The following GAL3ST1 variants were observed in gnomAD, a reference collection of about 807,000 sequenced individuals.
GAL3ST1 encodes the protein galactosylceramide sulfotransferase.
In GAL3ST1, 13 loss-of-function variants were observed where a neutral mutation model predicts 25.0. That is an observed-to-expected ratio of 0.52 (90% CI 0.34 to 0.83). The LOEUF (loss-of-function observed/expected upper bound fraction) is 0.83. Among genes scored for constraint, GAL3ST1 ranks in the 40% least tolerant of loss-of-function variants. The pLI is 0.02. For synonymous variants in GAL3ST1, 274 were observed against 277.8 expected (o/e 0.99, Z 0.14); for missense variants, 474 against 613.6 (o/e 0.77, Z 2.40).
At chr22:30,561,797 C>T (rs1004106688) in intron 1 of GAL3ST1, among the ~76,000 whole-genome samples, 1 of 152,134 alleles carries the variant, frequency 6.6e-6, no homozygotes, top group South Asian at 2.1e-4. Context: ...CCGTCCCTCC[C>T]GTGCCAGCCA....
rs567885680 is a variant in GAL3ST1 at position 30,574,285 on chromosome 22, C to T, written c.-120+181G>A. ...AACCTGTGCCCTCCCTGGCCCCTAC[C>T]AGGCCACCCTCTGGCAGTGGGCAGG... is the stretch of plus-strand genomic sequence containing the variant. On this transcript the variant is annotated intron_variant, in intron 1 of 3. Transcript: ENST00000406361. Among the ~76,000 whole-genome samples the T allele has an allele frequency of 1.4e-4, 21 of 152,264 alleles. No homozygotes were observed. The East Asian group carries it at 4.1e-3, about 30-fold the overall frequency.
rs762748373 is a variant in GAL3ST1, at chr22:30,555,946, G to A, written c.279C>T (p.Asn93=). The change falls in exon 4 of 4, where the codon AAC becomes AAT. Residue 93 remains asparagine, a synonymous_variant. Coordinates refer to ENST00000406361, the MANE Select transcript of GAL3ST1 (RefSeq NM_001318104.2). This position sits in a 1 kb window ranked among gnomAD's most constrained non-coding sequence, Gnocchi z 8.6. ...GCTTCTGGCCGAAGCGGAACAGGAT[G>A]TTGAGCAGGGTGCTGCTGGCCGTCT... is the stretch of plus-strand genomic sequence containing the variant. ...THKTASSTLL[N]ILFRFGQKHR... is the part of the protein sequence containing the mutation. The A allele has an allele frequency of 1.9e-5, 31 of 1,614,010 alleles. No individual in the cohort carries two copies. Among genetic ancestry groups the A allele is most frequent in the East Asian group, 4.5e-5 (2 of 44,896 alleles).
At position 30,555,968 on chromosome 22, in the gene GAL3ST1, G is replaced by C. The variant is rs903324570; in HGVS notation, c.257C>G (p.Thr86Arg). ...RNIVFLKTHK[T>R]ASSTLLNILF... ...GATGTTGAGCAGGGTGCTGCTGGCC[G>C]TCTTGTGCGTCTTCAAGAACACGAT... is the stretch of plus-strand genomic sequence containing the variant. The change falls in exon 4 of 4, where the codon ACG becomes AGG. Residue 86 changes from threonine (T) to arginine (R), a missense_variant. By Grantham distance (71) the Thr-to-Arg change is moderately conservative (BLOSUM62 -1). Transcript: ENST00000406361. This position sits in a 1 kb window ranked among gnomAD's most constrained non-coding sequence, Gnocchi z 8.6. 1.9e-6 allele frequency: 3 copies of C among 1,613,832 alleles called. No homozygotes were observed. The highest frequency in any genetic ancestry group is 2.5e-6 in the Non-Finnish European group (3 of 1,180,000).
chr22:30,559,722 C>T (rs1293688636), intron 1 of GAL3ST1, among the ~76,000 whole-genome samples: 5 of 152,134 alleles, frequency 3.3e-5, no homozygotes, highest in Non-Finnish European at 7.4e-5. Flanking sequence ...GCGTGGCAAC[C>T]CTATCAGCAG....
At position 30,571,590 on chromosome 22, in the gene GAL3ST1, G is replaced by A. The variant is rs181107887; in HGVS notation, c.-120+2876C>T. On this transcript the variant is annotated intron_variant, in intron 1 of 3. Transcript: ENST00000406361. ...TTTCAAAGGGCATCCACGGCCGGGCGCAGTGGCTCACGCCTGTAATCCCAG... is the reference window on the plus strand; with the variant it reads ...TTTCAAAGGGCATCCACGGCCGGGCACAGTGGCTCACGCCTGTAATCCCAG... Among the ~76,000 whole-genome samples the A allele has an allele frequency of 5.4e-3, 815 of 152,226 alleles. 8 individuals are homozygous for A. The highest frequency in any genetic ancestry group is 0.016 in the African/African-American group (672 of 41,532).
At chr22:30,569,192 G>A (rs1336599829) in intron 1 of GAL3ST1, among the ~76,000 whole-genome samples, 3 of 152,228 alleles carry the variant, frequency 2.0e-5, no homozygotes, top group African/African-American at 7.2e-5. Context: ...TTCAGCAGAG[G>A]AGGGAGCAGA....
At chr22:30,571,293 G>A (rs1209248988) in intron 1 of GAL3ST1, among the ~76,000 whole-genome samples, 1 of 152,194 alleles carries the variant, frequency 6.6e-6, no homozygotes, top group Non-Finnish European at 1.5e-5. Context: ...TGACTTGCAA[G>A]CACCTAGAAG....
intron 1 of GAL3ST1, among the ~76,000 whole-genome samples, chr22:30,565,625 T>G (rs1301756091): frequency 6.6e-6 from 1 of 152,154 alleles, no homozygotes. Flanking sequence ...CCTGCCTCTA[T>G]CCCTGGGTGA....
chr22:30,567,981 C>A (rs997725505), intron 1 of GAL3ST1, among the ~76,000 whole-genome samples: 1 of 152,174 alleles, frequency 6.6e-6, no homozygotes, highest in African/African-American at 2.4e-5. Context: ...CCGCGCCCAG[C>A]CCGTGATAGT....
At chr22:30,571,490 C>A (rs1363999807) in intron 1 of GAL3ST1, among the ~76,000 whole-genome samples, 1 of 152,168 alleles carries the variant, frequency 6.6e-6, no homozygotes, top group Non-Finnish European at 1.5e-5. Flanking sequence ...GCTGGCCCAG[C>A]AGTTGAGAGA....
chr22:30,569,477 G>A (rs570172259), intron 1 of GAL3ST1, among the ~76,000 whole-genome samples: 2 of 152,246 alleles, frequency 1.3e-5, no homozygotes, highest in South Asian at 4.1e-4. Context: ...AAAGGGCCAG[G>A]TTGAATGCTG....
chr22:30,571,514 T>C lies in GAL3ST1; in HGVS notation c.-120+2952A>G, dbSNP rs140309013. Among the ~76,000 whole-genome samples, 188 of 152,270 alleles carry C rather than the reference T, an allele frequency of 1.2e-3. 1 individual carries two copies. The highest frequency in any genetic ancestry group is 2.4e-3 in the Admixed American group (36 of 15,284). Reference sequence around the variant, plus strand: ...GCAGTTGAGAGAGGGTAATGTTCTTTGATGATTCAGAAAGCACTTTTTGAA... The same window carrying C: ...GCAGTTGAGAGAGGGTAATGTTCTTCGATGATTCAGAAAGCACTTTTTGAA... On this transcript the variant is annotated intron_variant, in intron 1 of 3. Coordinates refer to ENST00000406361, the MANE Select transcript of GAL3ST1 (RefSeq NM_001318104.2).
chr22:30,556,124 CA>C (rs993722492), intron 3 of GAL3ST1, 31 bp from the exon 4 acceptor site: 2 of 1,565,920 alleles, frequency 1.3e-6, no homozygotes, highest in Non-Finnish European at 1.7e-6. Context: ...GGGAGAGCCT[CA>C]GGGGGGTGCT....
In GAL3ST1 at chr22:30,555,691, C is replaced by A. The variant is rs1452887016; in HGVS notation, c.534G>T (p.Gly178=). 6 of 1,613,742 alleles carry A rather than the reference C, an allele frequency of 3.7e-6. No individual in the cohort carries two copies. Among genetic ancestry groups the A allele is most frequent in the Non-Finnish European group, 5.1e-6 (6 of 1,180,054 alleles). ...GCTTCCACGTGAGGGGCACCACCGG[C>A]CCGAAGTAGTGGAAGGAGGACTCGA... ...RLFESSFHYF[G]PVVPLTWKLS... Residue 178 remains glycine, a synonymous_variant, in exon 4 of 4, where the codon GGG becomes GGT. Coordinates refer to ENST00000406361, the MANE Select transcript of GAL3ST1 (RefSeq NM_001318104.2). This position sits in a 1 kb window ranked among gnomAD's most constrained non-coding sequence, Gnocchi z 8.6.
intron 1 of GAL3ST1, among the ~76,000 whole-genome samples, chr22:30,569,013 T>G (rs2086704646): frequency 6.7e-6 from 1 of 150,362 alleles, no homozygotes; most frequent in Non-Finnish European, 1.5e-5. Flanking sequence ...GAGGCAGAGT[T>G]TGCAGTGAGC....
Position 30,554,962 on chromosome 22 carries a change from C to T in GAL3ST1, c.1263G>A (p.Leu421=), listed in dbSNP as rs1255305302. 6.4e-7 allele frequency: 1 copy of T among 1,573,676 alleles called. No individual in the cohort carries two copies. The highest frequency in any genetic ancestry group is 8.7e-7 in the Non-Finnish European group (1 of 1,154,482). Residue 421 remains leucine, a synonymous_variant, in exon 4 of 4, where the codon CTG becomes CTA. Transcript: ENST00000406361. Reference sequence around the variant, plus strand: ...GCTGGGCGGTGGGACGTCACCACCGCAGGAAATCGCGAATGAACTTCCAGA... The same window carrying T: ...GCTGGGCGGTGGGACGTCACCACCGTAGGAAATCGCGAATGAACTTCCAGA... ...TKLWKFIRDF[L]RW
At chr22:30,569,566 A>C (rs187928914) in intron 1 of GAL3ST1, among the ~76,000 whole-genome samples, 45 of 151,792 alleles carry the variant, frequency 3.0e-4, no homozygotes, top group Admixed American at 2.6e-3. Context: ...GAATGCCTGA[A>C]GAGCAGTAGG....
Position 30,554,676 on chromosome 22 carries a change from T to C in GAL3ST1, c.*277A>G. 4.5e-6 allele frequency: 1 copy of C among 224,238 alleles called. No homozygotes were observed. The highest frequency in any genetic ancestry group is 8.7e-6 in the Non-Finnish European group (1 of 115,388). 13.9% of individuals were successfully genotyped at this position (224,238 alleles called of 1,614,324 possible). ...ATCAAATTCCTTTACTTCTGAGGTC[T>C]CCCCTTTAAGGGGAGGCAGAAATAG... On this transcript the variant is annotated 3_prime_UTR_variant, in exon 4 of 4. Transcript: ENST00000406361.
chr22:30,560,725 C>T (rs2086358581), intron 1 of GAL3ST1: 1 of 152,344 alleles, frequency 6.6e-6, no homozygotes, highest in East Asian at 1.9e-4. Context: ...ACCCCGGCCC[C>T]AGCAGCCCCA....
Sources: allele counts gnomAD v4.1 joint callset (sites outside exome capture counted in the v4.1 genomes callset), GRCh38; gene constraint gnomAD v4.1.1; non-coding constraint Gnocchi (gnomAD v3.1); transcripts MANE v1.5; gene names NCBI Gene and HGNC (gene_info 2026-07-23, HGNC 2026-07-21).